The following TPD52 variants were observed in gnomAD, a reference collection of about 807,000 sequenced individuals.
TPD52 encodes tumor protein D52.
TPD52 carries 17 observed loss-of-function variants against 31.3 expected under a neutral mutation model. The ratio of observed to expected loss-of-function variants is 0.54; its 90% CI spans 0.37 to 0.82. The LOEUF (loss-of-function observed/expected upper bound fraction) is 0.82. Ranked by LOEUF, TPD52 falls within the 40% of genes least tolerant of loss-of-function variation. The pLI, the probability that TPD52 is intolerant of heterozygous loss-of-function variation, is 0.00. For synonymous variants in TPD52, 83 were observed against 89.6 expected (o/e 0.93, Z 0.42); for missense variants, 212 against 240.1 (o/e 0.88, Z 0.77).
chr8:80,064,016 A>G (rs1812841157), intron 2 of TPD52, among the ~76,000 whole-genome samples: 1 of 128,170 alleles, frequency 7.8e-6, no homozygotes, highest in Non-Finnish European at 1.6e-5. Flanking sequence ...GAGGGGAAGG[A>G]AGGAAGGGAG....
intron 1 of TPD52, among the ~76,000 whole-genome samples, chr8:80,085,113 G>A (rs1563613953): frequency 6.6e-6 from 1 of 152,204 alleles, no homozygotes; most frequent in Non-Finnish European, 1.5e-5. Context: ...AATAATTTAT[G>A]AGAGAGAAAA....
chr8:80,163,292 T>A (rs1811483022), intron 1 of TPD52, among the ~76,000 whole-genome samples: 2 of 152,164 alleles, frequency 1.3e-5, no homozygotes, highest in Non-Finnish European at 2.9e-5. Context: ...TTATTCAGCC[T>A]TAAGAAGGAA....
chr8:80,059,502 T>A (rs924448851), intron 2 of TPD52, among the ~76,000 whole-genome samples: 2 of 151,774 alleles, frequency 1.3e-5, no homozygotes, highest in Admixed American at 1.3e-4. Flanking sequence ...ATAGAGAGAA[T>A]GAATAAAAGC....
chr8:80,053,283 C>T lies in TPD52; in HGVS notation c.283G>A (p.Ala95Thr), dbSNP rs755401926. ...KGWQDVTATS[A>T]YKKTSETLSQ... ...AAGTGTATGATCAAGGAAACATACG[C>T]AGATGTTGCTGTCACGTCTTGCCAC... Residue 95 changes from alanine (A) to threonine (T), a missense_variant and splice_region_variant, in exon 3 of 8, where the codon GCT becomes ACT. Ala to Thr is a moderately conservative substitution (Grantham distance 58). Coordinates refer to ENST00000518937, the MANE Select transcript of TPD52 (RefSeq NM_001025253.3). The T allele has an allele frequency of 6.2e-7, 1 of 1,613,084 alleles. No homozygotes were observed. The highest frequency in any genetic ancestry group is 1.3e-5 in the African/African-American group (1 of 74,844).
Position 80,113,733 on chromosome 8 carries a change from G to A in TPD52, c.20-49140C>T, listed in dbSNP as rs74475897. Among the ~76,000 whole-genome samples the A allele has an allele frequency of 7.8e-4, 119 of 152,288 alleles. 3 individuals are homozygous for A. The East Asian group carries it at 0.023, about 29-fold the overall frequency. ...GGAGCTAAAAAAAATGTGGCCTCAT[G>A]GAAGTAGAGAGTAGAAACTATAACT... On this transcript the variant is annotated intron_variant, in intron 1 of 7. Coordinates refer to ENST00000518937, the MANE Select transcript of TPD52 (RefSeq NM_001025253.3).
intron 1 of TPD52, among the ~76,000 whole-genome samples, chr8:80,145,447 G>A (rs914870921): frequency 2.0e-5 from 3 of 152,218 alleles, no homozygotes; most frequent in African/African-American, 7.2e-5. Flanking sequence ...AGACTATGAA[G>A]GAGCAGCCGA....
At chr8:80,153,241 C>A (rs1210795098) in intron 1 of TPD52, among the ~76,000 whole-genome samples, 1 of 152,192 alleles carries the variant, frequency 6.6e-6, no homozygotes, top group Non-Finnish European at 1.5e-5. Context: ...GCTTTGACTG[C>A]AATGCTCCAG....
intron 1 of TPD52, among the ~76,000 whole-genome samples, chr8:80,130,488 A>C (rs1204667907): frequency 6.6e-6 from 1 of 152,160 alleles, no homozygotes; most frequent in African/African-American, 2.4e-5. Flanking sequence ...GCAGTTTTCC[A>C]AAGAGCTACT....
chr8:80,139,606 A>T (rs1236563316), intron 1 of TPD52, among the ~76,000 whole-genome samples: 1 of 146,828 alleles, frequency 6.8e-6, no homozygotes, highest in East Asian at 2.2e-4. Context: ...CAGCACAACC[A>T]TGAAAATAAC....
rs1563644167 is a variant in TPD52, at chr8:80,125,185, G to A, written c.19+46240C>T. Among the ~76,000 whole-genome samples, 2 of 152,338 alleles carry A rather than the reference G, an allele frequency of 1.3e-5. 1 individual carries two copies. Among genetic ancestry groups the A allele is most frequent in the Admixed American group, 1.3e-4 (2 of 15,308 alleles). On this transcript the variant is annotated intron_variant, in intron 1 of 7. Coordinates refer to ENST00000518937, the MANE Select transcript of TPD52 (RefSeq NM_001025253.3). Reference sequence around the variant, plus strand: ...GAGTCCAACAGATATGAAGATGCAAGCCTCAGCCCTGCACAGTGGCTCACG... The same window carrying A: ...GAGTCCAACAGATATGAAGATGCAAACCTCAGCCCTGCACAGTGGCTCACG...
chr8:80,105,059 A>AAAAAAAT (rs1807007516), intron 1 of TPD52, among the ~76,000 whole-genome samples: 1 of 152,114 alleles, frequency 6.6e-6, no homozygotes, highest in East Asian at 1.9e-4. Context: ...ATACTGTCTC[A>AAAAAAAT]AAAAAATAAA....
chr8:80,090,461 G>C (rs905604446), intron 1 of TPD52, among the ~76,000 whole-genome samples: 1 of 152,082 alleles, frequency 6.6e-6, no homozygotes, highest in Non-Finnish European at 1.5e-5. Context: ...GGAGGGGCGG[G>C]GCAGACCAGG....
rs142898795 is a variant in TPD52, at chr8:80,145,311, G to T, written c.19+26114C>A. On this transcript the variant is annotated intron_variant, in intron 1 of 7. Transcript: ENST00000518937. ...TAATCTTGTTTAATCCTAGCATGTG[G>T]CCAGAAGTGATGAATCTATGTGAAG... Among the ~76,000 whole-genome samples, 41 of 152,320 alleles carry T rather than the reference G, an allele frequency of 2.7e-4. 1 individual carries two copies. Among genetic ancestry groups the T allele is most frequent in the African/African-American group, 9.4e-4 (39 of 41,560 alleles).
intron 1 of TPD52, among the ~76,000 whole-genome samples, chr8:80,149,242 G>A (rs941238146): frequency 1.5e-4 from 23 of 152,072 alleles, no homozygotes; most frequent in African/African-American, 4.8e-4. Flanking sequence ...TCTTGTGATA[G>A]TAAGTCTCAT....
chr8:80,171,457 C>G lies in TPD52; in HGVS notation c.-14G>C, dbSNP rs768781592. ...GCCGCGGTCCATGTCTCCAGCCCGCCGCCTCGTGTCCTCTGCAGCACCCCC... is the reference window on the plus strand; with the variant it reads ...GCCGCGGTCCATGTCTCCAGCCCGCGGCCTCGTGTCCTCTGCAGCACCCCC... On this transcript the variant is annotated 5_prime_UTR_variant, in exon 1 of 8. Transcript: ENST00000518937. 1 of 1,588,296 alleles carries G rather than the reference C, an allele frequency of 6.3e-7. No individual in the cohort carries two copies. The highest frequency in any genetic ancestry group is 8.5e-7 in the Non-Finnish European group (1 of 1,176,162).
intron 1 of TPD52, among the ~76,000 whole-genome samples, chr8:80,145,701 T>C (rs1810144821): frequency 6.6e-6 from 1 of 152,148 alleles, no homozygotes; most frequent in African/African-American, 2.4e-5. Context: ...AGACATCAAA[T>C]CTTTTCTTCA....
intron 1 of TPD52, among the ~76,000 whole-genome samples, chr8:80,081,385 C>A (rs1297071923): frequency 8.3e-6 from 1 of 120,852 alleles, no homozygotes; most frequent in East Asian, 2.1e-4. Context: ...TTTCCTTTAA[C>A]ACAGTCTCTT....
Position 80,038,213 on chromosome 8 carries a change from G to A in TPD52, c.527C>T (p.Pro176Leu). ...NLKSKVGGTK[P>L]AGGDFGEVLN... The stretch of plus-strand genomic sequence containing the variant: ...GACTTCTCCAAAATCACCACCAGCA[G>A]GCTTGGTTCCCCCTACTTTAGACTT... The change falls in exon 8 of 8, where the codon CCT (proline) becomes CTT (leucine). Residue 176 changes from proline (P) to leucine (L), a missense_variant. Pro to Leu is a moderately conservative substitution (Grantham distance 98, BLOSUM62 -3). Coordinates refer to ENST00000518937, the MANE Select transcript of TPD52 (RefSeq NM_001025253.3). 2 of 1,613,900 alleles carry A rather than the reference G, an allele frequency of 1.2e-6. No homozygotes were observed. The highest frequency in any genetic ancestry group is 1.7e-6 in the Non-Finnish European group (2 of 1,179,926).
chr8:80,115,065 C>T (rs1201912562), intron 1 of TPD52, among the ~76,000 whole-genome samples: 1 of 152,202 alleles, frequency 6.6e-6, no homozygotes, highest in Non-Finnish European at 1.5e-5. Flanking sequence ...ATGGAAGGGG[C>T]CTGTTGCTTA....
Sources: gnomAD v4.1 joint callset for allele counts (sites outside exome capture counted in the v4.1 genomes callset) on GRCh38, gnomAD v4.1.1 for gene constraint, MANE v1.5 for transcripts, NCBI Gene and HGNC (gene_info 2026-07-23, HGNC 2026-07-21) for gene names.